Variants in NEGR1 observed in about 807,000 individuals in gnomAD.
NEGR1 encodes IgLON family member 4.
A neutral mutation model predicts 40.9 loss-of-function variants in NEGR1; 10 were observed. The ratio of observed to expected loss-of-function variants is 0.24; its 90% CI spans 0.15 to 0.42. NEGR1 has a LOEUF of 0.42. Ranked by LOEUF, NEGR1 falls within the 10% of genes least tolerant of loss-of-function variation. The probability of loss-of-function intolerance (pLI) is 1.00; values close to 1 mark genes in which losing one functional copy is unlikely to be tolerated. For synonymous variants in NEGR1, 185 were observed against 166.8 expected (o/e 1.11, Z -0.84); for missense variants, 352 against 438.9 (o/e 0.80, Z 1.77).
At chr1:71,551,616 T>G (rs962404241) in intron 6 of NEGR1, among the ~76,000 whole-genome samples, 5 of 151,634 alleles carry the variant, frequency 3.3e-5, no homozygotes, top group African/African-American at 1.2e-4. Context: ...ATATATTTGT[T>G]AGTTTTCCCT....
chr1:71,641,569 T>C (rs541997465), intron 4 of NEGR1, among the ~76,000 whole-genome samples: 1 of 152,002 alleles, frequency 6.6e-6, no homozygotes, highest in South Asian at 2.1e-4. Context: ...AGAGGCACAT[T>C]CATTCCATTT....
chr1:71,938,565 G>T, intron 1 of NEGR1, among the ~76,000 whole-genome samples: 1 of 151,988 alleles, frequency 6.6e-6, no homozygotes, highest in East Asian at 1.9e-4. Context: ...GCTGTATTAA[G>T]AAATTTTGTA....
At chr1:71,633,542 A>G (rs1651044944) in intron 4 of NEGR1, among the ~76,000 whole-genome samples, 1 of 152,080 alleles carries the variant, frequency 6.6e-6, no homozygotes, top group Non-Finnish European at 1.5e-5. Flanking sequence ...AATGACTGGA[A>G]AATCCTGAGG....
chr1:71,964,637 G>C (rs150097953), intron 1 of NEGR1, among the ~76,000 whole-genome samples: 20 of 152,228 alleles, frequency 1.3e-4, no homozygotes, highest in African/African-American at 3.4e-4. Context: ...TGTGTTCTCT[G>C]CATGAGTTTA....
At chr1:72,270,625 C>A (rs535967079) in intron 1 of NEGR1, among the ~76,000 whole-genome samples, 79 of 152,030 alleles carry the variant, frequency 5.2e-4, no homozygotes, top group East Asian at 5.8e-4. Flanking sequence ...AAATGTTCAT[C>A]TTCATCCTCT....
intron 1 of NEGR1, among the ~76,000 whole-genome samples, chr1:72,074,488 C>A (rs190907415): frequency 6.6e-6 from 1 of 151,890 alleles, no homozygotes; most frequent in East Asian, 1.9e-4. Flanking sequence ...CAGGTTTTAT[C>A]GGCACTACAC....
At chr1:71,545,046 G>A (rs977403648) in intron 6 of NEGR1, among the ~76,000 whole-genome samples, 5 of 151,644 alleles carry the variant, frequency 3.3e-5, no homozygotes, top group Non-Finnish European at 5.9e-5. Context: ...ATGCCAGAAA[G>A]ACTATTAATT....
In NEGR1 at chr1:71,399,512, TAA is replaced by T. The variant is rs1208746062; in HGVS notation, c.*7932_*7933del. ...TGCTAACGTCTTAGCAAATAAAACT[TAA>T]ACAGAAACTGTTGGTTGCACTGTTG... On this transcript the variant is annotated 3_prime_UTR_variant, in exon 7 of 7. Transcript: ENST00000357731. 6.6e-6 allele frequency: 1 copy of T among 152,228 alleles called. No homozygotes were observed. The highest frequency in any genetic ancestry group is 1.5e-5 in the Non-Finnish European group (1 of 68,024). 9.4% of individuals were successfully genotyped at this position (152,228 alleles called of 1,614,324 possible).
intron 2 of NEGR1, among the ~76,000 whole-genome samples, chr1:71,894,950 G>C (rs1235582536): frequency 6.6e-6 from 1 of 151,834 alleles, no homozygotes; most frequent in Non-Finnish European, 1.5e-5. Flanking sequence ...GGAAGGAAAA[G>C]AAAGAATCCA....
chr1:71,881,708 G>A (rs894125469), intron 2 of NEGR1, among the ~76,000 whole-genome samples: 1 of 152,048 alleles, frequency 6.6e-6, no homozygotes, highest in African/African-American at 2.4e-5. Flanking sequence ...CTGAATATGA[G>A]TATCACATGA....
intron 1 of NEGR1, among the ~76,000 whole-genome samples, chr1:72,241,595 G>A (rs531366139): frequency 2.0e-5 from 3 of 151,646 alleles, no homozygotes; most frequent in African/African-American, 7.3e-5. Flanking sequence ...CTAATGGCTA[G>A]AGTCTGCCTA....
chr1:71,895,177 A>C (rs1241048800), intron 2 of NEGR1, among the ~76,000 whole-genome samples: 1 of 152,094 alleles, frequency 6.6e-6, no homozygotes, highest in African/African-American at 2.4e-5. Flanking sequence ...CTATTGTTCC[A>C]AGTTTTTGTC....
chr1:72,188,280 A>C (rs568224658), intron 1 of NEGR1, among the ~76,000 whole-genome samples: 1 of 151,516 alleles, frequency 6.6e-6, no homozygotes, highest in East Asian at 1.9e-4. Context: ...GAGATCAAGA[A>C]GGTTGGGATT....
chr1:71,664,528 T>C (rs2101593546), intron 4 of NEGR1, among the ~76,000 whole-genome samples: 1 of 152,278 alleles, frequency 6.6e-6, no homozygotes, highest in African/African-American at 2.4e-5. Flanking sequence ...ATATCTTTTT[T>C]GTGTGATTTC....
At chr1:72,078,322 C>G (rs968752651) in intron 1 of NEGR1, among the ~76,000 whole-genome samples, 1 of 152,084 alleles carries the variant, frequency 6.6e-6, no homozygotes, top group East Asian at 1.9e-4. Flanking sequence ...ACAAAAATGA[C>G]TAAAAACATT....
intron 1 of NEGR1, among the ~76,000 whole-genome samples, chr1:72,069,629 C>T (rs755824769): frequency 3.3e-5 from 5 of 152,030 alleles, no homozygotes; most frequent in African/African-American, 1.2e-4. Flanking sequence ...CTTTTTATCT[C>T]TCTATTCAGT....
chr1:71,962,986 T>A (rs1341900775), intron 1 of NEGR1, among the ~76,000 whole-genome samples: 4 of 152,110 alleles, frequency 2.6e-5, no homozygotes, highest in Non-Finnish European at 2.9e-5. Flanking sequence ...ACTCACTCTT[T>A]GTTCTAAATC....
chr1:71,752,782 T>C (rs1655613696), intron 3 of NEGR1, among the ~76,000 whole-genome samples: 1 of 152,192 alleles, frequency 6.6e-6, no homozygotes. Context: ...AAGAGATTAT[T>C]CAGTCTTTAT....
At chr1:71,519,746 T>TAAAAAAAAAAAAAAAAAAATA (rs1192211895) in intron 6 of NEGR1, among the ~76,000 whole-genome samples, 1 of 132,596 alleles carries the variant, frequency 7.5e-6, no homozygotes, top group Non-Finnish European at 1.6e-5. Context: ...AAAAAAAAAT[T>TAAAAAAAAAAAAAAAAAAATA]AAAAAAAAAC....
Sources: gnomAD v4.1 joint callset for allele counts (sites outside exome capture counted in the v4.1 genomes callset) on GRCh38, gnomAD v4.1.1 for gene constraint, MANE v1.5 for transcripts, NCBI Gene and HGNC (gene_info 2026-07-23, HGNC 2026-07-21) for gene names.